The following SLC38A8 variants were observed in gnomAD, a reference collection of about 807,000 sequenced individuals.
SLC38A8 encodes solute carrier family 38 member 8, also known as amino acid transporter SLC38A8.
Under a neutral mutation model 46.0 loss-of-function variants are expected in SLC38A8, and 65 were observed. The observed-to-expected ratio is 1.41, with a 90% CI of 1.16 to 1.74. The LOEUF (loss-of-function observed/expected upper bound fraction) is 1.74. SLC38A8 is among the 40% of genes most tolerant of loss of function. The probability of loss-of-function intolerance (pLI) is 0.00; values close to 1 mark genes in which losing one functional copy is unlikely to be tolerated. For missense variants in SLC38A8, 998 were observed against 567.9 expected (o/e 1.76, Z -7.70); for synonymous variants, 447 against 243.7 (o/e 1.83, Z -7.77).
intron 6 of SLC38A8, among the ~76,000 whole-genome samples, chr16:84,027,011 G>A (rs1264770527): frequency 6.6e-6 from 1 of 152,192 alleles, no homozygotes; most frequent in Non-Finnish European, 1.5e-5. Context: ...TCAGAAGGGT[G>A]AATGGCACGG....
At chr16:84,043,125 A>C (rs927479382), upstream of SLC38A8, among the ~76,000 whole-genome samples, 2 of 152,122 alleles carry the variant, frequency 1.3e-5, no homozygotes, top group African/African-American at 2.4e-5. Context: ...TCCTCCACCC[A>C]ACTCCAGCAG....
intron 9 of SLC38A8, among the ~76,000 whole-genome samples, 181 bp from the exon 10 acceptor site, chr16:84,013,233 G>A (rs1253124336): frequency 6.6e-6 from 1 of 152,130 alleles, no homozygotes; most frequent in Non-Finnish European, 1.5e-5. Context: ...TGGAGTCCCA[G>A]CTCAACATGC....
chr16:84,018,156 G>A (rs1388675353), intron 7 of SLC38A8, among the ~76,000 whole-genome samples: 1 of 151,832 alleles, frequency 6.6e-6, no homozygotes, highest in African/African-American at 2.4e-5. Flanking sequence ...CTTGCCAATG[G>A]GGACTGTCTT....
At position 84,037,806 on chromosome 16, in the gene SLC38A8, A is replaced by ATT. The variant is rs376247461; in HGVS notation, c.190-908_190-907dup. Among the ~76,000 whole-genome samples, 531 of 102,236 alleles carry ATT rather than the reference A, an allele frequency of 5.2e-3. 23 individuals carry two copies. The highest frequency in any genetic ancestry group is 0.019 in the African/African-American group (468 of 24,648). 67.1% of individuals were successfully genotyped at this position (102,236 alleles called of 152,430 possible). The stretch of plus-strand genomic sequence containing the variant: ...AAAACATCCCTCTATTTCAGCTTCA[A>ATT]TTTTTTTTTTTTTTTTTTTGGAGAC... On this transcript the variant is annotated intron_variant, in intron 2 of 10. Coordinates refer to ENST00000299709, the MANE Select transcript of SLC38A8 (RefSeq NM_001080442.3).
chr16:84,036,323 C>A (rs35672231), intron 3 of SLC38A8, among the ~76,000 whole-genome samples: 1 of 151,960 alleles, frequency 6.6e-6, no homozygotes, highest in African/African-American at 2.4e-5. Context: ...AAGTCTTAGT[C>A]GGGAACTCGA....
At chr16:84,023,016 A>G in intron 6 of SLC38A8, 127 bp from the exon 7 acceptor site, 3 of 633,996 alleles carry the variant, frequency 4.7e-6, no homozygotes, top group Non-Finnish European at 8.0e-6. Flanking sequence ...TAGCCTGATC[A>G]ATCCTTTATT....
At chr16:84,043,006 T>A (rs1045405795), upstream of SLC38A8, among the ~76,000 whole-genome samples, 1 of 151,884 alleles carries the variant, frequency 6.6e-6, no homozygotes, top group African/African-American at 2.4e-5. Flanking sequence ...CTCTCCAAGG[T>A]CCCCAGCCCA....
chr16:84,038,822 G>A (rs761673091), intron 2 of SLC38A8, among the ~76,000 whole-genome samples: 2 of 152,106 alleles, frequency 1.3e-5, no homozygotes, highest in Non-Finnish European at 2.9e-5. Flanking sequence ...TGATTGATCC[G>A]TATCGGGCGC....
At chr16:84,043,052 T>C (rs900980041), upstream of SLC38A8, among the ~76,000 whole-genome samples, 1 of 152,058 alleles carries the variant, frequency 6.6e-6, no homozygotes, top group Non-Finnish European at 1.5e-5. Flanking sequence ...GAGCCCAGCC[T>C]CCTCCTCTGC....
intron 9 of SLC38A8, among the ~76,000 whole-genome samples, chr16:84,014,685 T>C (rs1374963520): frequency 1.3e-5 from 2 of 152,202 alleles, no homozygotes; most frequent in Non-Finnish European, 2.9e-5. Flanking sequence ...TCCCCAGTCT[T>C]TATCTCTTAA....
intron 9 of SLC38A8, among the ~76,000 whole-genome samples, chr16:84,014,338 A>G (rs563232472): frequency 1.9e-4 from 28 of 150,510 alleles, no homozygotes; most frequent in African/African-American, 6.7e-4. Flanking sequence ...CTCACCTCTG[A>G]AAGCCCGGCC....
At chr16:84,034,172 C>G (rs763851046) in intron 3 of SLC38A8, among the ~76,000 whole-genome samples, 1 of 152,236 alleles carries the variant, frequency 6.6e-6, no homozygotes, top group African/African-American at 2.4e-5. Context: ...GCAGGCACCT[C>G]CAACTTCTTC....
intron 6 of SLC38A8, among the ~76,000 whole-genome samples, chr16:84,024,939 G>A (rs1035945705): frequency 7.2e-5 from 11 of 151,934 alleles, no homozygotes; most frequent in South Asian, 2.1e-4. Context: ...CCTCGGCCTC[G>A]CAAAGTGCTG....
chr16:84,033,265 G>A, intron 4 of SLC38A8, 63 bp downstream of exon 4: 1 of 1,610,198 alleles, frequency 6.2e-7, no homozygotes, highest in South Asian at 1.1e-5. Context: ...CAGATGGACA[G>A]AAACCCTGAC....
intron 8 of SLC38A8, 29 bp downstream of exon 8, chr16:84,017,107 CTTCA>C: frequency 6.2e-7 from 1 of 1,611,988 alleles, no homozygotes; most frequent in Non-Finnish European, 8.5e-7. Flanking sequence ...GCAGACCATG[CTTCA>C]CGGTGCCCCC....
intron 10 of SLC38A8, 95 bp downstream of exon 10, chr16:84,012,906 A>C: frequency 1.5e-6 from 2 of 1,345,332 alleles, no homozygotes; most frequent in Non-Finnish European, 2.1e-6. Flanking sequence ...TGCAGGATGC[A>C]GAGGATGAGA....
chr16:84,037,413 G>A (rs904804362), intron 2 of SLC38A8, among the ~76,000 whole-genome samples: 11 of 152,286 alleles, frequency 7.2e-5, no homozygotes, highest in East Asian at 1.9e-4. Context: ...GCTATGACAC[G>A]TCAGGACTGA....
At chr16:84,021,426 A>G (rs778873087) in intron 7 of SLC38A8, among the ~76,000 whole-genome samples, 25 of 152,276 alleles carry the variant, frequency 1.6e-4, no homozygotes, top group South Asian at 1.0e-3. Context: ...AGTTCAGCCA[A>G]ATTATTTGCC....
chr16:84,031,864 T>C lies in SLC38A8; in HGVS notation c.632+3A>G, dbSNP rs777483922. Reference sequence around the variant, plus strand: ...CTGCCGGAAGCTGTTCCCTCAGACTTACCTCAGTGAAGGATGGGACTCACG... The same window carrying C: ...CTGCCGGAAGCTGTTCCCTCAGACTCACCTCAGTGAAGGATGGGACTCACG... On this transcript the variant is annotated splice_donor_region_variant and intron_variant, in intron 5 of 10. Transcript: ENST00000299709. The C allele has an allele frequency of 1.2e-6, 2 of 1,613,596 alleles. No individual in the cohort carries two copies. The highest frequency in any genetic ancestry group is 1.7e-6 in the Non-Finnish European group (2 of 1,179,732).
Sources: allele counts gnomAD v4.1 joint callset (sites outside exome capture counted in the v4.1 genomes callset), GRCh38; gene constraint gnomAD v4.1.1; transcripts MANE v1.5; gene names NCBI Gene and HGNC (gene_info 2026-07-23, HGNC 2026-07-21).